CACNA1G: variants seen among roughly 807,000 people sequenced by gnomAD.
The protein encoded by CACNA1G is calcium voltage-gated channel subunit alpha1 G.
In CACNA1G, 67 loss-of-function variants were observed where a neutral mutation model predicts 219.4. The ratio of observed to expected loss-of-function variants is 0.31; its 90% CI spans 0.25 to 0.37. The LOEUF is 0.37. Ranked by LOEUF, CACNA1G falls within the 10% of genes least tolerant of loss-of-function variation. The pLI, the probability that CACNA1G is intolerant of heterozygous loss-of-function variation, is 1.00. For synonymous variants in CACNA1G, 1,296 were observed against 1,345.3 expected (o/e 0.96, Z 0.80); for missense variants, 2,380 against 3,231.4 (o/e 0.74, Z 6.39).
Position 50,571,979 on chromosome 17 carries a change from G to A in CACNA1G, c.688G>A (p.Val230Ile), listed in dbSNP as rs768796872. ...CTTCTTCATCTTCGGCATCGTCGGC[G>A]TCCAGCTGTGGGCAGGGCTGCTTCG... ...FVFFIFGIVG[V>I]QLWAGLLRNR... Residue 230 changes from valine to isoleucine, a missense_variant, in exon 5 of 38, where the codon GTC becomes ATC. Val to Ile is a conservative substitution (Grantham distance 29). This residue lies in a region of CACNA1G where 56 missense variants were observed against 135.8 expected (regional missense o/e 0.41). Coordinates refer to ENST00000359106, the MANE Select transcript of CACNA1G (RefSeq NM_018896.5). This position sits in a 1 kb window ranked among gnomAD's most constrained non-coding sequence, Gnocchi z 4.3. The A allele has an allele frequency of 3.4e-5, 55 of 1,613,842 alleles. No individual in the cohort carries two copies. Among genetic ancestry groups the A allele is most frequent in the Admixed American group, 2.8e-4 (17 of 60,006 alleles).
At chr17:50,568,716 T>A (rs976413320) in intron 1 of CACNA1G, among the ~76,000 whole-genome samples, 154 bp from the exon 2 acceptor site, 1 of 152,142 alleles carries the variant, frequency 6.6e-6, no homozygotes, top group Admixed American at 6.5e-5. Context: ...AGTCTGGGGC[T>A]GGGGGCTGGT....
intron 3 of CACNA1G, 111 bp from the exon 4 acceptor site, chr17:50,569,595 A>C: frequency 1.3e-6 from 1 of 767,152 alleles, no homozygotes; most frequent in Non-Finnish European, 2.2e-6. Flanking sequence ...GAAGAAGAAG[A>C]AGGAGTCAGA....
chr17:50,564,125 A>AGTGTGGGT (rs967155043), intron 1 of CACNA1G, among the ~76,000 whole-genome samples: 1 of 138,610 alleles, frequency 7.2e-6, no homozygotes, highest in African/African-American at 2.9e-5. Context: ...CCAGGTAGGA[A>AGTGTGGGT]GTGTGTGTGT....
chr17:50,623,613 A>C (rs1219561230), intron 35 of CACNA1G, among the ~76,000 whole-genome samples: 1 of 151,606 alleles, frequency 6.6e-6, no homozygotes, highest in Non-Finnish European at 1.5e-5. Context: ...CCACAGTGGG[A>C]GCTTAAAGGT....
rs1267016059 is a variant in CACNA1G, at chr17:50,599,811, T to C, written c.3642T>C (p.Pro1214=). ...ASGRLARALR[P]DDPPLDGDDA... ...GGCGCCTGGCCCGGGCCCTGCGGCC[T>C]GATGACCCCCCACTGGATGGGGATG... Residue 1214 remains proline, a synonymous_variant, in exon 17 of 38, where the codon CCT becomes CCC. Coordinates refer to ENST00000359106, the MANE Select transcript of CACNA1G (RefSeq NM_018896.5). The C allele has an allele frequency of 5.0e-6, 8 of 1,611,714 alleles. No individual in the cohort carries two copies. The highest frequency in any genetic ancestry group is 2.7e-5 in the African/African-American group (2 of 74,944).
At chr17:50,567,280 G>C (rs1322689360) in intron 1 of CACNA1G, among the ~76,000 whole-genome samples, 1 of 152,174 alleles carries the variant, frequency 6.6e-6, no homozygotes, top group Non-Finnish European at 1.5e-5. Context: ...GTGGGGGTTA[G>C]GGAAACTGCA....
Position 50,626,784 on chromosome 17 carries a change from A to C in CACNA1G, c.*33A>C. 1 of 1,612,500 alleles carries C rather than the reference A, an allele frequency of 6.2e-7. No homozygotes were observed. The highest frequency in any genetic ancestry group is 8.5e-7 in the Non-Finnish European group (1 of 1,179,676). ...CCCACTTTCCCACTCACCTTTCTCC[A>C]CTGGGTGCCAAGTCCTAGCTCCTCC... On this transcript the variant is annotated 3_prime_UTR_variant, in exon 38 of 38. Coordinates refer to ENST00000359106, the MANE Select transcript of CACNA1G (RefSeq NM_018896.5). The surrounding 1 kb of genome is among the most constrained non-coding windows in gnomAD (Gnocchi z 4.3).
intron 26 of CACNA1G, among the ~76,000 whole-genome samples, chr17:50,612,326 C>T (rs937066326): frequency 2.0e-5 from 3 of 152,244 alleles, no homozygotes; most frequent in East Asian, 1.9e-4. Flanking sequence ...GGCAGAAGAG[C>T]GGAGCCTGTG....
chr17:50,617,750 C>T lies in CACNA1G; in HGVS notation c.5156-109C>T. 7.0e-7 allele frequency: 1 copy of T among 1,436,026 alleles called. No homozygotes were observed. Among genetic ancestry groups the T allele is most frequent in the East Asian group, 2.3e-5 (1 of 42,760 alleles). The allele number at this position is 1,436,026 out of a possible 1,614,324, so 89.0% of individuals were successfully genotyped here. A position where few individuals can be genotyped will look rare whatever the true frequency, so the allele number is the denominator to read the frequency against. ...GAGGATGGGGATGCAACCTGGCTGG[C>T]CCGGAGATGGCCATCCCAGCAGCCC... On this transcript the variant is annotated intron_variant, in intron 29 of 37. Coordinates refer to ENST00000359106, the MANE Select transcript of CACNA1G (RefSeq NM_018896.5). The surrounding 1 kb of genome is among the most constrained non-coding windows in gnomAD (Gnocchi z 5.8).
rs1256782182 is a variant in CACNA1G at position 50,599,628 on chromosome 17, T to G, written c.3459T>G (p.Pro1153=). The G allele has an allele frequency of 6.2e-7, 1 of 1,612,940 alleles. No individual in the cohort carries two copies. The highest frequency in any genetic ancestry group is 1.1e-5 in the South Asian group (1 of 90,860). Residue 1153 remains proline, a synonymous_variant, in exon 17 of 38, where the codon CCT becomes CCG. Transcript: ENST00000359106. ...GCTCAGAAGAGGAGCGGGCCAGCCC[T>G]GCGGGCAGTGACCATCGCCACAGGG... ...EESSEEERAS[P]AGSDHRHRGS... is the part of the protein sequence containing the mutation.
At chr17:50,574,773 T>C (rs974369395) in intron 7 of CACNA1G, among the ~76,000 whole-genome samples, 1 of 152,174 alleles carries the variant, frequency 6.6e-6, no homozygotes, top group African/African-American at 2.4e-5. Flanking sequence ...CCATAAATAT[T>C]CATTTCCTTC....
intron 24 of CACNA1G, chr17:50,607,270 T>C (rs2048151680): frequency 4.5e-6 from 2 of 441,932 alleles, no homozygotes; most frequent in Non-Finnish European, 4.3e-6. Flanking sequence ...TTGGGAGGCC[T>C]AGGCAAGAGG....
At chr17:50,594,655 G>T (rs896898223) in intron 13 of CACNA1G, among the ~76,000 whole-genome samples, 2 of 152,154 alleles carry the variant, frequency 1.3e-5, no homozygotes, top group Non-Finnish European at 2.9e-5. Flanking sequence ...TACCTTGCAA[G>T]GAAGCCAGCT....
chr17:50,590,610 T>C lies in CACNA1G; in HGVS notation c.2441T>C (p.Ile814Thr). ...KNPYNIFDGV[I>T]VVISVWEIVG... is the part of the protein sequence containing the mutation. ...CCCTACAACATCTTCGATGGTGTCA[T>C]TGTGGTCATCAGGTATGACTACCCC... Residue 814 changes from isoleucine to threonine, a missense_variant, in exon 10 of 38, where the codon ATT becomes ACT. Ile to Thr is a moderately conservative substitution (Grantham distance 89). This residue lies in a region of CACNA1G where 82 missense variants were observed against 140.7 expected (regional missense o/e 0.58). Coordinates refer to ENST00000359106, the MANE Select transcript of CACNA1G (RefSeq NM_018896.5). 1 of 1,613,844 alleles carries C rather than the reference T, an allele frequency of 6.2e-7. No homozygotes were observed. The highest frequency in any genetic ancestry group is 1.7e-5 in the Admixed American group (1 of 60,006).
At chr17:50,614,061 G>A (rs1019356864) in intron 26 of CACNA1G, among the ~76,000 whole-genome samples, 1 of 152,226 alleles carries the variant, frequency 6.6e-6, no homozygotes, top group South Asian at 2.1e-4. Context: ...GCTGGAGAGT[G>A]GCCAGGTGGG....
At chr17:50,581,122 G>C (rs760038829) in intron 9 of CACNA1G, among the ~76,000 whole-genome samples, 4 of 151,854 alleles carry the variant, frequency 2.6e-5, no homozygotes, top group Admixed American at 1.3e-4. Flanking sequence ...CAGGAAGAGA[G>C]ACGCGCAGGC....
chr17:50,623,428 C>T (rs555739914), intron 35 of CACNA1G, among the ~76,000 whole-genome samples: 1 of 151,938 alleles, frequency 6.6e-6, no homozygotes, highest in South Asian at 2.1e-4. Context: ...CTGCTGTTAG[C>T]TTTTAATCCT....
chr17:50,617,515 C>T lies in CACNA1G; in HGVS notation c.5099C>T (p.Ser1700Leu). 1 of 1,614,054 alleles carries T rather than the reference C, an allele frequency of 6.2e-7. No individual in the cohort carries two copies. The highest frequency in any genetic ancestry group is 8.5e-7 in the Non-Finnish European group (1 of 1,179,898). ...ITLEEIEVNA[S>L]LPINPTIIRI... ...CTGGAGGAAATCGAGGTCAACGCCT[C>T]GCTGCCCATCAACCCCACCATCATC... is the stretch of plus-strand genomic sequence containing the variant. The change falls in exon 29 of 38, where the codon TCG (serine) becomes TTG (leucine). Residue 1700 changes from serine to leucine, a missense_variant. Transcript: ENST00000359106. The surrounding 1 kb of genome is among the most constrained non-coding windows in gnomAD (Gnocchi z 5.8).
At position 50,600,735 on chromosome 17, in the gene CACNA1G, G is replaced by C; in HGVS notation, c.3700G>C (p.Glu1234Gln). ...ADDEGNLSKG[E>Q]RVRAWIRARL... is the part of the protein sequence containing the mutation. ...AGTGTTTGTTCTGCAGAGCAAAGGG[G>C]AACGGGTCCGCGCGTGGATCCGAGC... The change falls in exon 18 of 38, where the codon GAA (glutamate) becomes CAA (glutamine). Residue 1234 changes from glutamate to glutamine, a missense_variant. Physicochemically the swap from Glu to Gln is conservative, Grantham distance 29 (BLOSUM62 2). Transcript: ENST00000359106. The surrounding 1 kb of genome is among the most constrained non-coding windows in gnomAD (Gnocchi z 4.1). 1 of 1,613,782 alleles carries C rather than the reference G, an allele frequency of 6.2e-7. No homozygotes were observed. The highest frequency in any genetic ancestry group is 8.5e-7 in the Non-Finnish European group (1 of 1,179,778).
Sources: gnomAD v4.1 joint callset for allele counts (sites outside exome capture counted in the v4.1 genomes callset) on GRCh38, gnomAD v4.1.1 for gene constraint, gnomAD v4.1.1 regional missense constraint, Gnocchi (gnomAD v3.1) non-coding constraint, MANE v1.5 for transcripts, NCBI Gene and HGNC (gene_info 2026-07-23, HGNC 2026-07-21) for gene names.